TMEM245: variants seen among roughly 807,000 people sequenced by gnomAD.
TMEM245 encodes the protein transmembrane protein 245.
A neutral mutation model predicts 101.2 loss-of-function variants in TMEM245; 69 were observed. The ratio of observed to expected loss-of-function variants is 0.68; its 90% confidence interval spans 0.56 to 0.83. The LOEUF (loss-of-function observed/expected upper bound fraction) is 0.83, where lower values mean the gene tolerates loss of function less well. TMEM245 is among the 40% of genes least tolerant of loss of function. The pLI, the probability that TMEM245 is intolerant of heterozygous loss-of-function variation, is 0.00. For missense variants in TMEM245, 1,075 were observed against 1,092.8 expected, an observed-to-expected ratio of 0.98 and a Z score of 0.23; for synonymous variants, 537 against 449.8, an observed-to-expected ratio of 1.19 and a Z score of -2.45.
intron 5 of TMEM245, among the ~76,000 whole-genome samples, chr9:109,090,642 T>C (rs1829971923): frequency 6.6e-6 from 1 of 150,726 alleles, no homozygotes; most frequent in Non-Finnish European, 1.5e-5. Context: ...GAGAATGGCA[T>C]GAACCTGGGA....
intron 10 of TMEM245, among the ~76,000 whole-genome samples, chr9:109,063,163 A>C (rs1182526771): frequency 6.6e-6 from 1 of 151,812 alleles, no homozygotes; most frequent in Non-Finnish European, 1.5e-5. Flanking sequence ...TCCGTCTCTG[A>C]GAGTAGAGTG....
Position 109,057,221 on chromosome 9 carries a change from A to G in TMEM245, c.1824T>C (p.Phe608=). ...DILDWQDIVS[F]VHENIETFLS... Reference sequence around the variant, plus strand: ...GAAATGTCTCAATGTTCTCGTGAACAAAGGAAACAATATCCTGCCAGTCCA... The same window carrying G: ...GAAATGTCTCAATGTTCTCGTGAACGAAGGAAACAATATCCTGCCAGTCCA... The change falls in exon 12 of 18, where the codon TTT becomes TTC. Residue 608 remains phenylalanine (F), a synonymous_variant. Transcript: ENST00000374586. 1 of 1,614,088 alleles carries G rather than the reference A, an allele frequency of 6.2e-7. No homozygotes were observed. Among genetic ancestry groups the G allele is most frequent in the Non-Finnish European group, 8.5e-7 (1 of 1,179,952 alleles).
chr9:109,084,182 G>A (rs1447283936), intron 7 of TMEM245, among the ~76,000 whole-genome samples: 1 of 151,424 alleles, frequency 6.6e-6, no homozygotes, highest in Non-Finnish European at 1.5e-5. Flanking sequence ...CTCTTCTCTT[G>A]AATTGGTTTC....
At chr9:109,080,985 G>A in intron 7 of TMEM245, 42 bp from the exon 8 acceptor site, 1 of 1,300,296 alleles carries the variant, frequency 7.7e-7, no homozygotes, top group Non-Finnish European at 1.1e-6. Flanking sequence ...CTTTAAAGTA[G>A]AACTTTAAAA....
At chr9:109,095,589 G>A (rs1280747143) in intron 3 of TMEM245, among the ~76,000 whole-genome samples, 1 of 152,148 alleles carries the variant, frequency 6.6e-6, no homozygotes, top group Non-Finnish European at 1.5e-5. Context: ...ACCACATGAA[G>A]GACTTTAGTG....
At position 109,019,103 on chromosome 9, in the gene TMEM245, T is replaced by G. The variant is rs1827542594; in HGVS notation, c.*1357A>C. 1 of 152,118 alleles carries G rather than the reference T, an allele frequency of 6.6e-6. No individual in the cohort carries two copies. The highest frequency in any genetic ancestry group is 2.1e-4 in the South Asian group (1 of 4,816). The allele number at this position is 152,118 out of a possible 1,614,324, so 9.4% of individuals were successfully genotyped here. A position where few individuals can be genotyped will look rare whatever the true frequency, so the allele number is the denominator to read the frequency against. ...TGGGAGCAGAGGATAGGCCTGATGA[T>G]TGTTTTAAACAGTAGAAAGGGTTCA... On this transcript the variant is annotated 3_prime_UTR_variant, in exon 18 of 18. Transcript: ENST00000374586.
Position 109,119,914 on chromosome 9 carries a change from C to G in TMEM245, c.-1G>C, listed in dbSNP as rs958042487. 3.0e-5 allele frequency: 38 copies of G among 1,279,012 alleles called. No homozygotes were observed. Among genetic ancestry groups the G allele is most frequent in the Non-Finnish European group, 3.6e-5 (37 of 1,017,592 alleles). The allele number at this position is 1,279,012 out of a possible 1,614,324, so 79.2% of individuals were successfully genotyped here. ...CCTTAGGGCCGCCGCCGTCGGCCAT[C>G]GTTCCTCCGCCACAGCCGCCCCCGA... On this transcript the variant is annotated 5_prime_UTR_variant, in exon 1 of 18. Transcript: ENST00000374586.
At chr9:109,045,434 A>G (rs1474584357) in intron 14 of TMEM245, among the ~76,000 whole-genome samples, 2 of 152,200 alleles carry the variant, frequency 1.3e-5, no homozygotes, top group Non-Finnish European at 2.9e-5. Context: ...GAAACACAGA[A>G]ACATACAATG....
rs770793966 is a variant in TMEM245 at position 109,090,965 on chromosome 9, C to A, written c.1107G>T (p.Trp369Cys). 6.2e-7 allele frequency: 1 copy of A among 1,614,192 alleles called. No individual in the cohort carries two copies. Among genetic ancestry groups the A allele is most frequent in the South Asian group, 1.1e-5 (1 of 91,084 alleles). The change falls in exon 5 of 18, where the codon TGG (tryptophan) becomes TGT (cysteine). Residue 369 changes from tryptophan to cysteine, a missense_variant. Trp to Cys is a radical substitution (Grantham distance 215). Around this residue, in one of 2 missense-constraint regions of TMEM245, gnomAD observed 808 missense variants for 741.5 expected, o/e 1.09. Coordinates refer to ENST00000374586, the MANE Select transcript of TMEM245 (RefSeq NM_032012.4). ...GCAACTGCACAATCCACAGGTTCAA[C>A]CAGATCTGCATGACGACAATGGCCC... The part of the protein sequence containing the change: ...LVWAIVVMQI[W>C]LNLWIVQLLP...
In TMEM245 at chr9:109,056,440, CAAAAAAAAAAAAA is replaced by C. The variant is rs753175633; in HGVS notation, c.1854+738_1854+750del. Among the ~76,000 whole-genome samples the C allele has an allele frequency of 3.5e-3, 130 of 36,768 alleles. 3 individuals are homozygous for C. The highest frequency in any genetic ancestry group is 1.0e-2 in the African/African-American group (114 of 11,404). The allele number at this position is 36,768 out of a possible 152,430, so 24.1% of individuals were successfully genotyped here. ...AGAAACCCCATATCTACTAAAAATG[CAAAAAAAAAAAAA>C]AAAAAAAAAAAAATTAGCTGGGTGT... On this transcript the variant is annotated intron_variant, in intron 12 of 17. Coordinates refer to ENST00000374586, the MANE Select transcript of TMEM245 (RefSeq NM_032012.4).
At chr9:109,063,689 CTA>C (rs1200430421) in intron 10 of TMEM245, among the ~76,000 whole-genome samples, 2 of 152,280 alleles carry the variant, frequency 1.3e-5, no homozygotes, top group East Asian at 3.9e-4. Flanking sequence ...TGCCTTTCCT[CTA>C]TCATTCATTT....
At chr9:109,048,863 T>C (rs978688726) in intron 14 of TMEM245, among the ~76,000 whole-genome samples, 1 of 152,242 alleles carries the variant, frequency 6.6e-6, no homozygotes, top group Non-Finnish European at 1.5e-5. Context: ...AAAAAGTTTC[T>C]GGCCAGAACC....
chr9:109,060,208 A>T lies in TMEM245; in HGVS notation c.1722+146T>A. ...GGAGACTAACCATCAACTCACACTGACTTTTAGTGACCTGAGGCTTAAGGT... is the reference window on the plus strand; with the variant it reads ...GGAGACTAACCATCAACTCACACTGTCTTTTAGTGACCTGAGGCTTAAGGT... On this transcript the variant is annotated intron_variant, in intron 11 of 17. Coordinates refer to ENST00000374586, the MANE Select transcript of TMEM245 (RefSeq NM_032012.4). The T allele has an allele frequency of 1.0e-5, 6 of 599,490 alleles. No homozygotes were observed. The South Asian group carries it at 1.3e-4, about 13-fold the overall frequency. 37.1% of individuals were successfully genotyped at this position (599,490 alleles called of 1,614,324 possible).
chr9:109,108,300 T>G (rs1163159413), intron 2 of TMEM245, among the ~76,000 whole-genome samples, 153 bp downstream of exon 2: 1 of 152,096 alleles, frequency 6.6e-6, no homozygotes, highest in Non-Finnish European at 1.5e-5. Flanking sequence ...TCATTAAAAT[T>G]TAATGAAAGA....
At chr9:109,048,350 T>G (rs1170510566) in intron 14 of TMEM245, among the ~76,000 whole-genome samples, 1 of 151,958 alleles carries the variant, frequency 6.6e-6, no homozygotes, top group African/African-American at 2.4e-5. Context: ...GAAGGTTTTC[T>G]AACAATCAAA....
chr9:109,057,501 C>T (rs1428490167), intron 11 of TMEM245, among the ~76,000 whole-genome samples, 179 bp from the exon 12 acceptor site: 1 of 152,112 alleles, frequency 6.6e-6, no homozygotes, highest in East Asian at 1.9e-4. Context: ...GTCTGTAATC[C>T]CAGCACTTTG....
intron 11 of TMEM245, among the ~76,000 whole-genome samples, chr9:109,059,625 T>C (rs1022792875): frequency 3.3e-4 from 50 of 152,224 alleles, no homozygotes; most frequent in African/African-American, 1.2e-3. Flanking sequence ...GAGTATGTTA[T>C]AGTAAGCCAA....
At chr9:109,021,010 G>A (rs193174314) in intron 17 of TMEM245, among the ~76,000 whole-genome samples, 1 of 152,308 alleles carries the variant, frequency 6.6e-6, no homozygotes, top group African/African-American at 2.4e-5. Context: ...AATGGGTTAG[G>A]TCTTTTCATC....
In TMEM245 at chr9:109,020,033, T is replaced by C; in HGVS notation, c.*427A>G. 1 of 154,942 alleles carries C rather than the reference T, an allele frequency of 6.5e-6. No individual in the cohort carries two copies. The highest frequency in any genetic ancestry group is 1.4e-5 in the Non-Finnish European group (1 of 69,900). 9.6% of individuals were successfully genotyped at this position (154,942 alleles called of 1,614,324 possible). ...AGCCCTCTTCCTTGAAAAGTGACTG[T>C]CTTAGAAAAGTTTAACAATACATTT... On this transcript the variant is annotated 3_prime_UTR_variant, in exon 18 of 18. Transcript: ENST00000374586.
Sources: gnomAD v4.1 joint callset for allele counts (sites outside exome capture counted in the v4.1 genomes callset) on GRCh38, gnomAD v4.1.1 for gene constraint, gnomAD v4.1.1 regional missense constraint, MANE v1.5 for transcripts, NCBI Gene and HGNC (gene_info 2026-07-23, HGNC 2026-07-21) for gene names.